Variants in SGCZ observed in about 807,000 individuals in gnomAD.
SGCZ encodes the protein zeta-sarcoglycan.
In SGCZ, 40 loss-of-function variants were observed where a neutral mutation model predicts 41.3. The ratio of observed to expected loss-of-function variants is 0.97; its 90% confidence interval spans 0.75 to 1.26. The LOEUF is 1.26. Ranked by LOEUF, SGCZ falls within the 50% of genes most tolerant of loss-of-function variation. The probability of loss-of-function intolerance (pLI) is 0.00; values close to 1 mark genes in which losing one functional copy is unlikely to be tolerated. For missense variants in SGCZ, 552 were observed against 369.8 expected (o/e 1.49, Z -4.04); for synonymous variants, 206 against 137.5 (o/e 1.50, Z -3.49).
At chr8:14,160,583 C>G (rs1478028) in intron 5 of SGCZ, among the ~76,000 whole-genome samples, 150,052 of 152,322 alleles carry the variant, frequency 0.99, 73,944 homozygotes, top group East Asian at 1. Flanking sequence ...TATCATTATA[C>G]TAAGATTTAA....
At chr8:14,983,482 T>C (rs1346894330) in intron 1 of SGCZ, among the ~76,000 whole-genome samples, 2 of 152,018 alleles carry the variant, frequency 1.3e-5, no homozygotes, top group African/African-American at 4.8e-5. Context: ...TGGGCTTGAG[T>C]GGTCCTCCCA....
At chr8:14,105,872 T>G (rs1273286003) in intron 6 of SGCZ, among the ~76,000 whole-genome samples, 1 of 152,098 alleles carries the variant, frequency 6.6e-6, no homozygotes, top group Non-Finnish European at 1.5e-5. Context: ...AATTATAAAA[T>G]GAGCATATAG....
chr8:15,227,536 G>A (rs2117199227), intron 1 of SGCZ, among the ~76,000 whole-genome samples: 1 of 152,218 alleles, frequency 6.6e-6, no homozygotes. Context: ...TTCTTTTGGG[G>A]TAGAAACATA....
At chr8:14,775,646 T>C (rs936377335) in intron 1 of SGCZ, among the ~76,000 whole-genome samples, 3 of 151,728 alleles carry the variant, frequency 2.0e-5, no homozygotes, top group Admixed American at 6.6e-5. Flanking sequence ...GTATATAGAG[T>C]TTGGTTACAT....
intron 1 of SGCZ, among the ~76,000 whole-genome samples, chr8:15,128,656 T>C (rs1807791267): frequency 6.6e-6 from 1 of 152,190 alleles, no homozygotes; most frequent in Admixed American, 6.5e-5. Flanking sequence ...CTCCCATAGT[T>C]TGTGTTCTGT....
chr8:14,526,714 G>A (rs1802960472), intron 2 of SGCZ, among the ~76,000 whole-genome samples: 2 of 152,064 alleles, frequency 1.3e-5, no homozygotes, highest in Admixed American at 6.6e-5. Flanking sequence ...TGTTCTGAGA[G>A]TGTGAAATGC....
At chr8:14,733,370 C>A (rs1293561443) in intron 1 of SGCZ, among the ~76,000 whole-genome samples, 3 of 152,200 alleles carry the variant, frequency 2.0e-5, no homozygotes, top group Admixed American at 2.0e-4. Flanking sequence ...TCCTAACCAA[C>A]CCTAGTACAT....
intron 2 of SGCZ, among the ~76,000 whole-genome samples, chr8:14,351,395 C>T (rs1239943889): frequency 6.6e-6 from 1 of 152,048 alleles, no homozygotes; most frequent in Non-Finnish European, 1.5e-5. Context: ...CTATCAACTT[C>T]AGCCTTGTCT....
intron 4 of SGCZ, among the ~76,000 whole-genome samples, chr8:14,167,898 C>T (rs559826972): frequency 4.6e-5 from 7 of 152,024 alleles, no homozygotes; most frequent in Admixed American, 1.3e-4. Flanking sequence ...TACAGTACAT[C>T]GGTCAAATAC....
chr8:14,852,824 G>A (rs1054190091), intron 1 of SGCZ, among the ~76,000 whole-genome samples: 3 of 152,096 alleles, frequency 2.0e-5, no homozygotes, highest in Non-Finnish European at 4.4e-5. Flanking sequence ...GCCTTTCTCT[G>A]CATCAAAGTC....
chr8:14,860,751 T>G (rs201267032), intron 1 of SGCZ, among the ~76,000 whole-genome samples: 93 of 103,256 alleles, frequency 9.0e-4, no homozygotes, highest in African/African-American at 3.4e-3. Context: ...AGTAAGTAAG[T>G]GAGGGAGGGA....
intron 1 of SGCZ, chr8:14,853,519 G>T (rs780108055): frequency 3.8e-6 from 2 of 530,312 alleles, no homozygotes; most frequent in Non-Finnish European, 7.8e-6. Flanking sequence ...AGCAGGTGAC[G>T]GGGAGATTCT....
chr8:14,266,611 G>C (rs1329177817), intron 3 of SGCZ, among the ~76,000 whole-genome samples: 1 of 152,052 alleles, frequency 6.6e-6, no homozygotes, highest in Non-Finnish European at 1.5e-5. Context: ...TGTCACATAA[G>C]ATCACGATGT....
chr8:14,811,518 CTTTTTTT>C (rs71209087), intron 1 of SGCZ, among the ~76,000 whole-genome samples: 6 of 49,750 alleles, frequency 1.2e-4, no homozygotes, highest in East Asian at 6.4e-4. Flanking sequence ...GACACTGCAT[CTTTTTTT>C]TTTTTTTTTT....
chr8:15,180,594 C>T (rs268357), intron 1 of SGCZ, among the ~76,000 whole-genome samples: 11 of 151,164 alleles, frequency 7.3e-5, no homozygotes, highest in Admixed American at 5.9e-4. Context: ...AAAAAAAAAA[C>T]AGAGGGAAAG....
intron 1 of SGCZ, among the ~76,000 whole-genome samples, chr8:14,648,537 C>T (rs78515182): frequency 0.11 from 16,546 of 152,050 alleles, 1,088 homozygotes; most frequent in African/African-American, 0.19. Context: ...AGGTTCCAAA[C>T]TGGAATACAG....
chr8:14,977,409 GA>G, intron 1 of SGCZ, among the ~76,000 whole-genome samples: 1 of 152,276 alleles, frequency 6.6e-6, no homozygotes, highest in Non-Finnish European at 1.5e-5. Context: ...TTAATATGCT[GA>G]AAAACATTAC....
At chr8:15,143,351 A>C (rs963018975) in intron 1 of SGCZ, among the ~76,000 whole-genome samples, 1 of 152,244 alleles carries the variant, frequency 6.6e-6, no homozygotes, top group African/African-American at 2.4e-5. Context: ...GAAAGAATAA[A>C]GATGTTTCTT....
intron 1 of SGCZ, among the ~76,000 whole-genome samples, chr8:15,004,779 C>G (rs1025036307): frequency 6.6e-6 from 1 of 152,110 alleles, no homozygotes; most frequent in Non-Finnish European, 1.5e-5. Context: ...AGGTGGAAAA[C>G]TAGTAAATTG....
Sources: allele counts gnomAD v4.1 joint callset (sites outside exome capture counted in the v4.1 genomes callset), GRCh38; gene constraint gnomAD v4.1.1; transcripts MANE v1.5; gene names NCBI Gene and HGNC (gene_info 2026-07-23, HGNC 2026-07-21).